The following NLGN1 variants were observed in gnomAD, a reference collection of about 807,000 sequenced individuals.
The protein encoded by NLGN1 is neuroligin-1.
NLGN1 carries 12 observed loss-of-function variants against 65.5 expected under a neutral mutation model. The observed-to-expected ratio is 0.18, with a 90% CI of 0.12 to 0.30. NLGN1 has a LOEUF of 0.30. Ranked by LOEUF, NLGN1 falls within the 10% of genes least tolerant of loss-of-function variation. NLGN1 has a pLI of 1.00. For missense variants in NLGN1, 750 were observed against 1,007.1 expected, an observed-to-expected ratio of 0.74 and a Z score of 3.46; for synonymous variants, 350 against 359.5, an observed-to-expected ratio of 0.97 and a Z score of 0.30.
At chr3:173,874,980 G>A (rs1731850840) in intron 4 of NLGN1, among the ~76,000 whole-genome samples, 1 of 152,176 alleles carries the variant, frequency 6.6e-6, no homozygotes, top group Admixed American at 6.6e-5. Context: ...GTGGGCTACA[G>A]GCTTTGCAAC....
chr3:173,866,139 T>C (rs1405937963), intron 4 of NLGN1, among the ~76,000 whole-genome samples: 1 of 152,152 alleles, frequency 6.6e-6, no homozygotes, highest in Non-Finnish European at 1.5e-5. Flanking sequence ...TGGGAGGATG[T>C]GGTTGAAAGA....
At chr3:174,130,559 C>G (rs932693950) in intron 4 of NLGN1, among the ~76,000 whole-genome samples, 1 of 151,966 alleles carries the variant, frequency 6.6e-6, no homozygotes, top group Non-Finnish European at 1.5e-5. Flanking sequence ...TTATTCACTC[C>G]ACAGAGTTTT....
At chr3:173,977,123 G>GCA (rs35224305) in intron 4 of NLGN1, among the ~76,000 whole-genome samples, 3,412 of 146,468 alleles carry the variant, frequency 0.023, 111 homozygotes, top group African/African-American at 0.069. Flanking sequence ...ACACACACAC[G>GCA]CACACACACA....
intron 1 of NLGN1, among the ~76,000 whole-genome samples, chr3:173,422,312 T>C (rs1715247178): frequency 6.6e-6 from 1 of 152,142 alleles, no homozygotes; most frequent in Admixed American, 6.5e-5. Context: ...ACGTGAGAGC[T>C]AAAAAGTTTA....
At chr3:173,612,684 C>T (rs1368718812) in intron 3 of NLGN1, among the ~76,000 whole-genome samples, 2 of 152,002 alleles carry the variant, frequency 1.3e-5, no homozygotes, top group Non-Finnish European at 2.9e-5. Flanking sequence ...TTTACAAAAG[C>T]CTATTTACAA....
At chr3:173,504,582 T>C (rs1468684591) in intron 2 of NLGN1, among the ~76,000 whole-genome samples, 1 of 152,108 alleles carries the variant, frequency 6.6e-6, no homozygotes, top group Admixed American at 6.6e-5. Context: ...ACTTGTCTAC[T>C]GCATTCACAG....
intron 2 of NLGN1, among the ~76,000 whole-genome samples, chr3:173,522,300 G>A (rs541904874): frequency 3.9e-4 from 59 of 152,242 alleles, no homozygotes; most frequent in African/African-American, 1.1e-3. Flanking sequence ...CTTTTTTATG[G>A]CTACACAGTA....
At chr3:173,914,453 A>G (rs1312043311) in intron 4 of NLGN1, among the ~76,000 whole-genome samples, 1 of 152,138 alleles carries the variant, frequency 6.6e-6, no homozygotes, top group African/African-American at 2.4e-5. Flanking sequence ...AGGAGAAAAT[A>G]GAGGAGAAAC....
intron 3 of NLGN1, among the ~76,000 whole-genome samples, chr3:173,608,581 C>CAAATA (rs1751763317): frequency 6.6e-6 from 1 of 151,836 alleles, no homozygotes; most frequent in Non-Finnish European, 1.5e-5. Flanking sequence ...AGAAGGTAGA[C>CAAATA]TCTGAAAAGT....
chr3:173,660,179 C>A (rs1239123058), intron 3 of NLGN1, among the ~76,000 whole-genome samples: 1 of 151,836 alleles, frequency 6.6e-6, no homozygotes, highest in East Asian at 1.9e-4. Flanking sequence ...AGAGCTTTAT[C>A]TTTTCCACAC....
At chr3:173,709,165 G>T (rs1343602454) in intron 3 of NLGN1, among the ~76,000 whole-genome samples, 2 of 152,148 alleles carry the variant, frequency 1.3e-5, no homozygotes, top group Non-Finnish European at 1.5e-5. Context: ...TAAAAATACC[G>T]AGGTTTATTT....
Position 173,504,592 on chromosome 3 carries a change from G to T in NLGN1, c.-321+69514G>T, listed in dbSNP as rs535079601. 3.3e-5 allele frequency among the ~76,000 whole-genome samples: 5 copies of T among 152,074 alleles called. No homozygotes were observed. In the South Asian group the frequency reaches 1.0e-3, roughly 32 times the overall value. On this transcript the variant is annotated intron_variant, in intron 2 of 6. Coordinates refer to ENST00000457714, the Ensembl canonical transcript of NLGN1. ...TCCACACTTGTCTACTGCATTCACA[G>T]CCCAAGGTTAAGAAAGACCTGTTTA...
At chr3:173,725,775 C>CG in intron 3 of NLGN1, among the ~76,000 whole-genome samples, 2 of 152,224 alleles carry the variant, frequency 1.3e-5, no homozygotes, top group Middle Eastern at 6.8e-3. Flanking sequence ...AGAGGCTTGA[C>CG]GGGGGAAAGA....
chr3:173,648,258 A>G (rs1465819054), intron 3 of NLGN1, among the ~76,000 whole-genome samples: 2 of 152,234 alleles, frequency 1.3e-5, no homozygotes, highest in East Asian at 3.8e-4. Context: ...ATATCTGTAA[A>G]GGATTTATAC....
chr3:174,263,070 T>G (rs1357596451), intron 4 of NLGN1, among the ~76,000 whole-genome samples: 2 of 144,396 alleles, frequency 1.4e-5, no homozygotes, highest in African/African-American at 5.2e-5. Context: ...TAATGTCTGT[T>G]CTTTTACATT....
intron 4 of NLGN1, among the ~76,000 whole-genome samples, chr3:174,036,584 G>GTTT (rs34399860): frequency 1.5e-3 from 219 of 141,664 alleles, no homozygotes; most frequent in African/African-American, 5.5e-3. Flanking sequence ...GTTTTTTGTT[G>GTTT]TTTTTTTTTT....
chr3:173,881,308 A>G (rs1413183500), intron 4 of NLGN1, among the ~76,000 whole-genome samples: 1 of 151,536 alleles, frequency 6.6e-6, no homozygotes, highest in Non-Finnish European at 1.5e-5. Flanking sequence ...CATGTTGGCC[A>G]AGATGTTCTC....
intron 2 of NLGN1, among the ~76,000 whole-genome samples, chr3:173,490,121 T>C (rs906836112): frequency 1.6e-4 from 24 of 152,348 alleles, no homozygotes; most frequent in African/African-American, 5.5e-4. Flanking sequence ...TGTCTTTTGT[T>C]GCCATTGCTT....
At chr3:173,683,479 A>G (rs1246151168) in intron 3 of NLGN1, among the ~76,000 whole-genome samples, 1 of 152,220 alleles carries the variant, frequency 6.6e-6, no homozygotes, top group Non-Finnish European at 1.5e-5. Context: ...TCCAAGTGAC[A>G]GAACAACAAC....
Sources: gnomAD v4.1 joint callset for allele counts (sites outside exome capture counted in the v4.1 genomes callset) on GRCh38, gnomAD v4.1.1 for gene constraint, MANE v1.5 for transcripts, NCBI Gene and HGNC (gene_info 2026-07-23, HGNC 2026-07-21) for gene names.